CPVL: variants seen among roughly 807,000 people sequenced by gnomAD.
CPVL encodes probable serine carboxypeptidase CPVL.
A neutral mutation model predicts 63.7 loss-of-function variants in CPVL; 51 were observed. The ratio of observed to expected loss-of-function variants is 0.80; its 90% confidence interval spans 0.64 to 1.01. The LOEUF is 1.01. Among genes scored for constraint, CPVL ranks in the 50% least tolerant of loss-of-function variants. The pLI is 0.00. For synonymous variants in CPVL, 195 were observed against 206.0 expected (o/e 0.95, Z 0.46); for missense variants, 530 against 573.1 (o/e 0.92, Z 0.77).
At chr7:29,020,830 G>T (rs1043930793) in intron 12 of CPVL, among the ~76,000 whole-genome samples, 1 of 152,158 alleles carries the variant, frequency 6.6e-6, no homozygotes, top group Non-Finnish European at 1.5e-5. Context: ...GGCAAGAGAG[G>T]TGCTAATTAC....
At position 29,120,976 on chromosome 7, in the gene CPVL, C is replaced by A; in HGVS notation, c.86G>T (p.Arg29Ile). The stretch of plus-strand genomic sequence containing the variant: ...TCCCTTAGGTGGCATGGAAACACTT[C>A]TGTATAGGGAGCGAAACAGCCCATC... ...PCDGLFRSLY[R>I]SVSMPPKGDS... is the part of the protein sequence containing the mutation. Residue 29 changes from arginine (R) to isoleucine (I), a missense_variant, in exon 2 of 13, where the codon AGA becomes ATA. Coordinates refer to ENST00000265394, the MANE Select transcript of CPVL (RefSeq NM_031311.5). 1 of 1,614,002 alleles carries A rather than the reference C, an allele frequency of 6.2e-7. No homozygotes were observed. The highest frequency in any genetic ancestry group is 8.5e-7 in the Non-Finnish European group (1 of 1,179,970).
chr7:29,184,879 C>T (rs245918), intron 3 of CPVL, among the ~76,000 whole-genome samples: 3,827 of 152,248 alleles, frequency 0.025, 69 homozygotes, highest in Middle Eastern at 0.041. Context: ...CTTTCAATGC[C>T]AGCCCTGAGG....
chr7:29,067,306 G>A (rs1783233221), intron 9 of CPVL, among the ~76,000 whole-genome samples: 1 of 152,176 alleles, frequency 6.6e-6, no homozygotes, highest in Non-Finnish European at 1.5e-5. Flanking sequence ...ATGCTGCAGA[G>A]AGTGACAGGG....
Position 29,112,735 on chromosome 7 carries a change from C to G in CPVL, c.257G>C (p.Ser86Thr), listed in dbSNP as rs1211012763. 1.2e-6 allele frequency: 2 copies of G among 1,613,322 alleles called. No individual in the cohort carries two copies. The highest frequency in any genetic ancestry group is 1.7e-6 in the Non-Finnish European group (2 of 1,179,608). ...GFLTVNKTYN[S>T]NLFFWFFPAQ... ...TGGGAAGAACCAGAAGAAGAGGTTGCTGTTGTAAGTCTTATTCACGGTGAG... is the reference window on the plus strand; with the variant it reads ...TGGGAAGAACCAGAAGAAGAGGTTGGTGTTGTAAGTCTTATTCACGGTGAG... Residue 86 changes from serine (S) to threonine (T), a missense_variant, in exon 3 of 13, where the codon AGC becomes ACC. Coordinates refer to ENST00000265394, the MANE Select transcript of CPVL (RefSeq NM_031311.5).
At chr7:29,110,664 A>G (rs370814188) in intron 3 of CPVL, among the ~76,000 whole-genome samples, 3 of 152,364 alleles carry the variant, frequency 2.0e-5, no homozygotes, top group East Asian at 1.9e-4. Flanking sequence ...GTACAGAATA[A>G]TAACTCCCTA....
chr7:29,005,349 TAAA>T (rs1308731598), intron 12 of CPVL, among the ~76,000 whole-genome samples: 2 of 152,156 alleles, frequency 1.3e-5, no homozygotes, highest in Admixed American at 1.3e-4. Context: ...ACAGCACTAA[TAAA>T]TATAACATTC....
chr7:28,998,165 C>T (rs1347696773), intron 12 of CPVL, among the ~76,000 whole-genome samples: 1 of 152,218 alleles, frequency 6.6e-6, no homozygotes, highest in Non-Finnish European at 1.5e-5. Context: ...TCATCCATAT[C>T]TTTGGCCCTG....
In CPVL at chr7:29,003,156, A is replaced by G. The variant is rs544508293; in HGVS notation, c.1321-7274T>C. On this transcript the variant is annotated intron_variant, in intron 12 of 12. Transcript: ENST00000265394. ...ATTACACTATAGTATGTGTATGTGC[A>G]CACACACACACACACACACACACAC... Among the ~76,000 whole-genome samples the G allele has an allele frequency of 8.6e-4, 87 of 101,008 alleles. No individual in the cohort carries two copies. The South Asian group carries it at 0.016, about 19-fold the overall frequency. 66.3% of individuals were successfully genotyped at this position (101,008 alleles called of 152,430 possible).
intron 1 of CPVL, chr7:29,127,983 T>A (rs934064262): frequency 6.0e-5 from 9 of 150,996 alleles, no homozygotes; most frequent in Admixed American, 5.3e-4. Context: ...TCCCATTTAA[T>A]CTTTTTTTTT....
chr7:29,015,609 G>A (rs1786330074), intron 12 of CPVL, among the ~76,000 whole-genome samples: 2 of 152,168 alleles, frequency 1.3e-5, no homozygotes, highest in African/African-American at 4.8e-5. Context: ...TTCCCGTACA[G>A]CCTGCAGAAC....
intron 11 of CPVL, among the ~76,000 whole-genome samples, chr7:29,043,391 GTGT>G (rs1300068039): frequency 6.6e-6 from 1 of 151,966 alleles, no homozygotes; most frequent in Non-Finnish European, 1.5e-5. Context: ...AGGTTTTTTG[GTGT>G]TGTTTTTCTT....
At chr7:29,169,861 CGTGTGT>C (rs71555785) in intron 5 of CPVL, among the ~76,000 whole-genome samples, 1 of 147,824 alleles carries the variant, frequency 6.8e-6, no homozygotes, top group Non-Finnish European at 1.5e-5. Flanking sequence ...AGTATATATA[CGTGTGT>C]GTGTGTGTGT....
chr7:29,175,179 CTT>C (rs141269641), intron 5 of CPVL, among the ~76,000 whole-genome samples: 18 of 142,962 alleles, frequency 1.3e-4, no homozygotes, highest in African/African-American at 7.7e-5. Context: ...TTTCTTTTTC[CTT>C]TTTTTTTTTT....
intron 7 of CPVL, among the ~76,000 whole-genome samples, chr7:29,086,062 G>A (rs1785168657): frequency 1.3e-5 from 2 of 152,182 alleles, no homozygotes; most frequent in African/African-American, 2.4e-5. Flanking sequence ...GGGAGGCCGA[G>A]GCGGGCAGAT....
chr7:29,137,276 T>C (rs549636147), intron 1 of CPVL, among the ~76,000 whole-genome samples: 1 of 152,296 alleles, frequency 6.6e-6, no homozygotes, highest in Non-Finnish European at 1.5e-5. Flanking sequence ...GAGGGGCATC[T>C]GAATGGGAAA....
At position 29,146,453 on chromosome 7, in the gene CPVL, G is replaced by A. The variant is rs1345061542; in HGVS notation, c.-35C>T. 1 of 1,374,536 alleles carries A rather than the reference G, an allele frequency of 7.3e-7. No homozygotes were observed. Among genetic ancestry groups the A allele is most frequent in the Non-Finnish European group, 9.6e-7 (1 of 1,038,850 alleles). 85.1% of individuals were successfully genotyped at this position (1,374,536 alleles called of 1,614,324 possible). ...CGCGGCGCAGTCGGTGCTCCTCCCT[G>A]AGCCGCGGCGCGCAAGGACCCCAGC... On this transcript the variant is annotated 5_prime_UTR_variant, in exon 1 of 13. Coordinates refer to ENST00000265394, the MANE Select transcript of CPVL (RefSeq NM_031311.5).
intron 1 of CPVL, among the ~76,000 whole-genome samples, chr7:29,136,311 A>G (rs1791221666): frequency 6.6e-6 from 1 of 152,242 alleles, no homozygotes; most frequent in Non-Finnish European, 1.5e-5. Context: ...TAAGTTGATG[A>G]AGAAAATAAA....
At chr7:29,184,906 G>A (rs1798525501) in intron 3 of CPVL, among the ~76,000 whole-genome samples, 1 of 152,112 alleles carries the variant, frequency 6.6e-6, no homozygotes, top group African/African-American at 2.4e-5. Context: ...AGTTTATGTG[G>A]ATAAGGACAA....
chr7:29,166,260 C>A (rs1209551331), intron 5 of CPVL, among the ~76,000 whole-genome samples: 1 of 152,124 alleles, frequency 6.6e-6, no homozygotes, highest in Non-Finnish European at 1.5e-5. Flanking sequence ...TCTCAAACTC[C>A]TGGCCTCAAT....
Sources: gnomAD v4.1 joint callset for allele counts (sites outside exome capture counted in the v4.1 genomes callset) on GRCh38, gnomAD v4.1.1 for gene constraint, MANE v1.5 for transcripts, NCBI Gene and HGNC (gene_info 2026-07-23, HGNC 2026-07-21) for gene names.